The following TBC1D8 variants were observed in gnomAD, a reference collection of about 807,000 sequenced individuals.
The protein encoded by TBC1D8 is TBC1 domain family member 8.
TBC1D8 carries 65 observed loss-of-function variants against 118.8 expected under a neutral mutation model. The observed-to-expected ratio is 0.55, with a 90% CI of 0.45 to 0.67. The LOEUF (loss-of-function observed/expected upper bound fraction) is 0.67, where lower values mean the gene tolerates loss of function less well. TBC1D8 is among the 30% of genes least tolerant of loss of function. The probability of loss-of-function intolerance (pLI) is 0.00; values close to 1 mark genes in which losing one functional copy is unlikely to be tolerated. For synonymous variants in TBC1D8, 566 were observed against 595.8 expected (o/e 0.95, Z 0.73); for missense variants, 1,376 against 1,471.2 (o/e 0.94, Z 1.06).
intron 2 of TBC1D8, among the ~76,000 whole-genome samples, chr2:101,083,645 C>T (rs942140088): frequency 4.6e-5 from 7 of 152,146 alleles, no homozygotes; most frequent in Non-Finnish European, 1.0e-4. Context: ...AAAAACTTAA[C>T]CTCAAAGGCC....
intron 3 of TBC1D8, among the ~76,000 whole-genome samples, chr2:101,057,563 C>T (rs1233104505): frequency 1.3e-5 from 2 of 152,230 alleles, no homozygotes; most frequent in Non-Finnish European, 2.9e-5. Context: ...TGGTGGCTCA[C>T]ATCTATAATC....
rs896250579 is a variant in TBC1D8 at position 101,101,398 on chromosome 2, T to C, written c.128-11034A>G. Among the ~76,000 whole-genome samples, 3 of 151,978 alleles carry C rather than the reference T, an allele frequency of 2.0e-5. 1 individual carries two copies. Among genetic ancestry groups the C allele is most frequent in the Admixed American group, 6.6e-5 (1 of 15,248 alleles). On this transcript the variant is annotated intron_variant, in intron 1 of 19. Coordinates refer to ENST00000409318, the MANE Select transcript of TBC1D8 (RefSeq NM_001330348.2). ...CAATTATTAAAAAGTCAGGAAACAA[T>C]AGATGCTGGCGAGGCTGTGGAGAAA...
chr2:101,057,880 G>A (rs1410895251), intron 3 of TBC1D8, among the ~76,000 whole-genome samples: 7 of 152,186 alleles, frequency 4.6e-5, no homozygotes, highest in Non-Finnish European at 7.3e-5. Flanking sequence ...TTTTGTCAGT[G>A]TAATTTCCAG....
chr2:101,096,447 A>C (rs71413901), intron 1 of TBC1D8, among the ~76,000 whole-genome samples: 1 of 146,798 alleles, frequency 6.8e-6, no homozygotes, highest in African/African-American at 2.6e-5. Context: ...AAAAAAAAAA[A>C]CTATAATGCA....
At chr2:101,148,326 C>G (rs1489710169) in intron 1 of TBC1D8, among the ~76,000 whole-genome samples, 1 of 152,180 alleles carries the variant, frequency 6.6e-6, no homozygotes, top group African/African-American at 2.4e-5. Context: ...ATCCATCATC[C>G]ATGCATACAG....
chr2:101,095,992 G>A (rs941689606), intron 1 of TBC1D8, among the ~76,000 whole-genome samples: 3 of 152,122 alleles, frequency 2.0e-5, no homozygotes, highest in Non-Finnish European at 1.5e-5. Context: ...CACACCAACA[G>A]GCTCCAGTAT....
chr2:101,033,772 G>A lies in TBC1D8; in HGVS notation c.1604-14C>T, dbSNP rs756805792. 5 of 1,608,266 alleles carry A rather than the reference G, an allele frequency of 3.1e-6. No homozygotes were observed. The African/African-American group carries it at 4.0e-5, about 13-fold the overall frequency. ...CCGTCACCGCATCTGAGTTTTAAAA[G>A]CAATGTTTCAAGGGGGAATGATTAC... On this transcript the variant is annotated splice_polypyrimidine_tract_variant and intron_variant, in intron 9 of 19. Coordinates refer to ENST00000409318, the MANE Select transcript of TBC1D8 (RefSeq NM_001330348.2).
chr2:101,115,208 C>A (rs1558715858), intron 1 of TBC1D8, among the ~76,000 whole-genome samples: 1 of 152,182 alleles, frequency 6.6e-6, no homozygotes, highest in African/African-American at 2.4e-5. Flanking sequence ...GTCCTTTTGA[C>A]CCAAGATGCA....
chr2:101,081,482 G>C (rs1451610814), intron 2 of TBC1D8, among the ~76,000 whole-genome samples: 1 of 152,176 alleles, frequency 6.6e-6, no homozygotes, highest in Non-Finnish European at 1.5e-5. Flanking sequence ...GTCCAAACTT[G>C]GATCTGCAAA....
At chr2:101,098,601 C>A (rs1187871155) in intron 1 of TBC1D8, among the ~76,000 whole-genome samples, 1 of 152,128 alleles carries the variant, frequency 6.6e-6, no homozygotes, top group Non-Finnish European at 1.5e-5. Flanking sequence ...CTAAAATTGA[C>A]CACATAATTG....
chr2:101,053,804 T>G (rs1682213901), intron 4 of TBC1D8, among the ~76,000 whole-genome samples: 1 of 152,188 alleles, frequency 6.6e-6, no homozygotes, highest in Admixed American at 6.5e-5. Context: ...TTCTCCACTT[T>G]GAGAAATATT....
chr2:101,143,857 G>A (rs1159192938), intron 1 of TBC1D8, among the ~76,000 whole-genome samples: 3 of 152,158 alleles, frequency 2.0e-5, no homozygotes, highest in African/African-American at 4.8e-5. Flanking sequence ...CCCCTTGCCC[G>A]GCATCAACAG....
chr2:101,021,773 T>G, intron 16 of TBC1D8, 27 bp from the exon 17 acceptor site: 1 of 1,396,950 alleles, frequency 7.2e-7, no homozygotes, highest in Non-Finnish European at 1.0e-6. Flanking sequence ...AAGAGTGAGT[T>G]GATGCCAATG....
At position 101,027,376 on chromosome 2, in the gene TBC1D8, T is replaced by A; in HGVS notation, c.2520+7A>T. The A allele has an allele frequency of 3.1e-6, 5 of 1,612,726 alleles. No individual in the cohort carries two copies. Among genetic ancestry groups the A allele is most frequent in the Non-Finnish European group, 4.2e-6 (5 of 1,178,926 alleles). On this transcript the variant is annotated splice_region_variant and intron_variant, in intron 15 of 19. Transcript: ENST00000409318. ...CTGGAACCCCTCATCTTCCCAGAGC[T>A]GCGTACCTTGAATAAGTCGTAGAGC...
At chr2:101,135,424 A>T (rs1192535412) in intron 1 of TBC1D8, among the ~76,000 whole-genome samples, 1 of 152,140 alleles carries the variant, frequency 6.6e-6, no homozygotes, top group Admixed American at 6.5e-5. Context: ...TAATAAAAAA[A>T]AAAAAATGCC....
At chr2:101,056,095 G>A (rs1186501366) in intron 3 of TBC1D8, among the ~76,000 whole-genome samples, 1 of 149,726 alleles carries the variant, frequency 6.7e-6, no homozygotes, top group African/African-American at 2.5e-5. Flanking sequence ...CTCAAGACAA[G>A]ACTACTTTTT....
chr2:101,072,972 G>A (rs1674550677), intron 2 of TBC1D8, among the ~76,000 whole-genome samples: 1 of 152,168 alleles, frequency 6.6e-6, no homozygotes, highest in Non-Finnish European at 1.5e-5. Flanking sequence ...TCATATCAGT[G>A]GGCTTCAGAT....
chr2:101,098,445 T>C (rs1676616932), intron 1 of TBC1D8, among the ~76,000 whole-genome samples: 2 of 151,582 alleles, frequency 1.3e-5, no homozygotes, highest in African/African-American at 4.9e-5. Flanking sequence ...CCACTGTCAG[T>C]ATTAGATCAA....
intron 9 of TBC1D8, among the ~76,000 whole-genome samples, chr2:101,034,768 CTTTA>C (rs1680897753): frequency 6.6e-6 from 1 of 152,198 alleles, no homozygotes; most frequent in African/African-American, 2.4e-5. Flanking sequence ...TCCTCCATGC[CTTTA>C]TTTTTCAACT....
Sources: allele counts gnomAD v4.1 joint callset (sites outside exome capture counted in the v4.1 genomes callset), GRCh38; gene constraint gnomAD v4.1.1; transcripts MANE v1.5; gene names NCBI Gene and HGNC (gene_info 2026-07-23, HGNC 2026-07-21).